The following OBI1 variants were observed in gnomAD, a reference collection of about 807,000 sequenced individuals.
OBI1 encodes the protein ring finger protein 219.
Under a neutral mutation model 62.4 loss-of-function variants are expected in OBI1, and 59 were observed. The observed-to-expected ratio is 0.95, with a 90% CI of 0.77 to 1.17. The LOEUF (loss-of-function observed/expected upper bound fraction) is 1.17. Ranked by LOEUF, OBI1 falls within the 50% of genes most tolerant of loss-of-function variation. The pLI, the probability that OBI1 is intolerant of heterozygous loss-of-function variation, is 0.00. For missense variants in OBI1, 875 were observed against 830.9 expected (o/e 1.05, Z -0.65); for synonymous variants, 302 against 292.8 (o/e 1.03, Z -0.32).
Position 78,642,105 on chromosome 13 carries a change from C to G in OBI1, c.300+17G>C, listed in dbSNP as rs1160800904. 2 of 1,480,280 alleles carry G rather than the reference C, an allele frequency of 1.4e-6. No homozygotes were observed. Among genetic ancestry groups the G allele is most frequent in the East Asian group, 4.5e-5 (2 of 43,970 alleles). 91.7% of individuals were successfully genotyped at this position (1,480,280 alleles called of 1,614,324 possible). ...AATTCACTGCTAACATAATTTTAAA[C>G]TTTGATTACTGTTTACCTCATATTC... On this transcript the variant is annotated intron_variant, in intron 3 of 5. Coordinates refer to ENST00000282003, the MANE Select transcript of OBI1 (RefSeq NM_024546.4).
rs1027674007 is a variant in OBI1, at chr13:78,639,027, A to ATCT, written c.344_345insAGA (p.Ser115delinsArgAsp). ...TCTGTGACTCCAAGCTGAGATTTTT[A>ATCT]CTCTTAAGCTCTTCTACTTCTTTCT... On this transcript the variant is annotated protein_altering_variant, in exon 4 of 6. Transcript: ENST00000282003. The ATCT allele has an allele frequency of 2.5e-6, 4 of 1,613,524 alleles. No individual in the cohort carries two copies. In the African/African-American group the frequency reaches 5.3e-5, roughly 22 times the overall value.
At chr13:78,643,649 G>A (rs995275649) in intron 2 of OBI1, among the ~76,000 whole-genome samples, 5 of 152,086 alleles carry the variant, frequency 3.3e-5, no homozygotes, top group African/African-American at 7.2e-5. Flanking sequence ...TTAGCCGGGC[G>A]TGGTGATGCA....
rs561787993 is a variant in OBI1 at position 78,615,503 on chromosome 13, T to A, written c.*77A>T. ...TCAATTCCAATTTGTATAGAACTTT[T>A]ATGAGGAAAAAAGGTAACTTTAACA... On this transcript the variant is annotated 3_prime_UTR_variant, in exon 6 of 6. Transcript: ENST00000282003. 11 of 1,087,084 alleles carry A rather than the reference T, an allele frequency of 1.0e-5. No homozygotes were observed. The highest frequency in any genetic ancestry group is 1.2e-5 in the Non-Finnish European group (9 of 749,754). The allele number at this position is 1,087,084 out of a possible 1,614,324, so 67.3% of individuals were successfully genotyped here.
intron 5 of OBI1, among the ~76,000 whole-genome samples, chr13:78,633,359 A>G (rs1378957924): frequency 6.6e-6 from 1 of 152,202 alleles, no homozygotes; most frequent in Non-Finnish European, 1.5e-5. Flanking sequence ...CTCTGCCTCC[A>G]GTAATTATGG....
intron 5 of OBI1, among the ~76,000 whole-genome samples, chr13:78,630,764 C>T (rs1875821524): frequency 6.6e-6 from 1 of 152,126 alleles, no homozygotes; most frequent in Non-Finnish European, 1.5e-5. Context: ...GACTTCTAAG[C>T]CTCCAGAACT....
At chr13:78,645,952 T>C (rs1316355518) in intron 1 of OBI1, among the ~76,000 whole-genome samples, 1 of 152,088 alleles carries the variant, frequency 6.6e-6, no homozygotes, top group African/African-American at 2.4e-5. Context: ...GCCTGGCCTG[T>C]AGTCATATTT....
chr13:78,641,448 A>G (rs1876212946), intron 3 of OBI1, among the ~76,000 whole-genome samples: 1 of 152,160 alleles, frequency 6.6e-6, no homozygotes, highest in African/African-American at 2.4e-5. Flanking sequence ...TTGAGTCAAG[A>G]GGGGATCGAT....
At chr13:78,627,222 G>C (rs1187645722) in intron 5 of OBI1, among the ~76,000 whole-genome samples, 1 of 151,136 alleles carries the variant, frequency 6.6e-6, no homozygotes, top group Non-Finnish European at 1.5e-5. Context: ...GAACAAAGCG[G>C]ATCTTTTGCA....
At chr13:78,630,412 T>G (rs548211604) in intron 5 of OBI1, among the ~76,000 whole-genome samples, 1 of 152,296 alleles carries the variant, frequency 6.6e-6, no homozygotes, top group Non-Finnish European at 1.5e-5. Context: ...TTTGCCAAAG[T>G]ATTCTATAGT....
intron 1 of OBI1, among the ~76,000 whole-genome samples, chr13:78,657,511 T>C (rs965449275): frequency 6.6e-6 from 1 of 152,182 alleles, no homozygotes; most frequent in East Asian, 1.9e-4. Flanking sequence ...TCTTAAAGCA[T>C]TGGTGTGAAG....
Position 78,616,076 on chromosome 13 carries a change from A to G in OBI1, c.1685T>C (p.Leu562Pro), listed in dbSNP as rs1875271028. Residue 562 changes from leucine (L) to proline (P), a missense_variant, in exon 6 of 6, where the codon CTG (leucine) becomes CCG (proline). Leu to Pro is a moderately conservative substitution (Grantham distance 98). Coordinates refer to ENST00000282003, the MANE Select transcript of OBI1 (RefSeq NM_024546.4). ...KSPCNNGFKSLDLDGLSKSSQ... is the reference protein window; with the variant it reads ...KSPCNNGFKSPDLDGLSKSSQ... ...TGACTTTGATAACCCATCCAAATCC[A>G]GTGACTTAAAACCGTTATTACAAGG... 6.2e-7 allele frequency: 1 copy of G among 1,614,052 alleles called. No individual in the cohort carries two copies. Among genetic ancestry groups the G allele is most frequent in the African/African-American group, 1.3e-5 (1 of 74,934 alleles).
intron 5 of OBI1, among the ~76,000 whole-genome samples, chr13:78,630,317 A>G (rs1450397118): frequency 1.3e-5 from 2 of 152,164 alleles, no homozygotes; most frequent in African/African-American, 4.8e-5. Context: ...TAGGGAGAAC[A>G]TAATAAACTC....
intron 5 of OBI1, among the ~76,000 whole-genome samples, chr13:78,617,875 T>C (rs1875366556): frequency 6.6e-6 from 1 of 152,102 alleles, no homozygotes; most frequent in South Asian, 2.1e-4. Context: ...AAAGAGAACA[T>C]TTTGGAGAGT....
rs146358378 is a variant in OBI1, at chr13:78,650,568, G to T, written c.73-5571C>A. On this transcript the variant is annotated intron_variant, in intron 1 of 5. Transcript: ENST00000282003. ...AGCTTAGGCTCTGACAGACAAACCT[G>T]GGGCCAACTCCAGTTCTGCCATTTA... Among the ~76,000 whole-genome samples, 1,114 of 152,222 alleles carry T rather than the reference G, an allele frequency of 7.3e-3. 7 individuals carry two copies. The highest frequency in any genetic ancestry group is 0.012 in the Non-Finnish European group (793 of 68,000).
chr13:78,622,438 G>C (rs1875541201), intron 5 of OBI1, among the ~76,000 whole-genome samples: 1 of 152,130 alleles, frequency 6.6e-6, no homozygotes, highest in African/African-American at 2.4e-5. Flanking sequence ...AAATTTATGT[G>C]TCTCAAATAT....
chr13:78,620,310 G>A (rs1875466918), intron 5 of OBI1, among the ~76,000 whole-genome samples: 1 of 152,146 alleles, frequency 6.6e-6, no homozygotes, highest in African/African-American at 2.4e-5. Context: ...TAGATATTTG[G>A]AGTATACAAC....
chr13:78,658,946 C>G (rs1030111193), intron 1 of OBI1, 103 bp downstream of exon 1: 1 of 979,820 alleles, frequency 1.0e-6, no homozygotes, highest in African/African-American at 1.6e-5. Flanking sequence ...CTCCCATCTC[C>G]GCGCCTCACG....
chr13:78,642,679 T>TA (rs1217573446), intron 2 of OBI1, among the ~76,000 whole-genome samples: 2 of 152,124 alleles, frequency 1.3e-5, no homozygotes, highest in African/African-American at 4.8e-5. Flanking sequence ...GGCCAGGAGA[T>TA]AGAGACCATC....
rs1408727582 is a variant in OBI1 at position 78,616,637 on chromosome 13, C to G, written c.1124G>C (p.Cys375Ser). 1.2e-6 allele frequency: 2 copies of G among 1,614,134 alleles called. No individual in the cohort carries two copies. Among genetic ancestry groups the G allele is most frequent in the East Asian group, 2.2e-5 (1 of 44,872 alleles). Residue 375 changes from cysteine to serine, a missense_variant, in exon 6 of 6, where the codon TGT becomes TCT. Coordinates refer to ENST00000282003, the MANE Select transcript of OBI1 (RefSeq NM_024546.4). ...AAGTTCTTCATCTTTGTAGGGTACA[C>G]AGTCACTTGGTTTATTCCCCCATTC... Reference protein sequence around the residue: ...EREWGNKPSDCVPYKDEELYD... With the variant: ...EREWGNKPSDSVPYKDEELYD...
Sources: gnomAD v4.1 joint callset for allele counts (sites outside exome capture counted in the v4.1 genomes callset) on GRCh38, gnomAD v4.1.1 for gene constraint, MANE v1.5 for transcripts, NCBI Gene and HGNC (gene_info 2026-07-23, HGNC 2026-07-21) for gene names.